Variants in ADGRA3 observed in about 807,000 individuals in gnomAD.
ADGRA3 encodes the protein adhesion G protein-coupled receptor A3.
ADGRA3 carries 56 observed loss-of-function variants against 119.8 expected under a neutral mutation model. The observed-to-expected ratio is 0.47, with a 90% CI of 0.38 to 0.58. The LOEUF is 0.58. Ranked by LOEUF, ADGRA3 falls within the 20% of genes least tolerant of loss-of-function variation. The pLI is 0.00. For synonymous variants in ADGRA3, 607 were observed against 623.8 expected, an observed-to-expected ratio of 0.97 and a Z score of 0.40; for missense variants, 1,516 against 1,649.0, an observed-to-expected ratio of 0.92 and a Z score of 1.40.
At chr4:22,484,754 G>A (rs1259543673) in intron 1 of ADGRA3, among the ~76,000 whole-genome samples, 3 of 152,094 alleles carry the variant, frequency 2.0e-5, no homozygotes, top group Non-Finnish European at 2.9e-5. Context: ...ATATGTACAC[G>A]TTTAGAGAAA....
chr4:22,493,784 T>C (rs755527580), intron 1 of ADGRA3, among the ~76,000 whole-genome samples: 15 of 152,122 alleles, frequency 9.9e-5, no homozygotes, highest in African/African-American at 1.7e-4. Flanking sequence ...CCCAAACAGT[T>C]AGGCATTCTA....
chr4:22,486,085 C>T (rs957788172), intron 1 of ADGRA3, among the ~76,000 whole-genome samples: 2 of 152,224 alleles, frequency 1.3e-5, no homozygotes, highest in Non-Finnish European at 1.5e-5. Context: ...TGTGGAGTTT[C>T]GCCATCAATC....
At chr4:22,487,432 C>T (rs1718468883) in intron 1 of ADGRA3, among the ~76,000 whole-genome samples, 1 of 152,114 alleles carries the variant, frequency 6.6e-6, no homozygotes, top group Non-Finnish European at 1.5e-5. Context: ...GAATTCTTAA[C>T]GCTCAGCTGA....
intron 2 of ADGRA3, among the ~76,000 whole-genome samples, chr4:22,471,441 T>C (rs1464416385): frequency 6.6e-6 from 1 of 152,086 alleles, no homozygotes; most frequent in Non-Finnish European, 1.5e-5. Flanking sequence ...TAAAATAAAA[T>C]AAAAGAAGTA....
At chr4:22,418,138 T>C (rs1052622886) in intron 12 of ADGRA3, among the ~76,000 whole-genome samples, 1 of 152,142 alleles carries the variant, frequency 6.6e-6, no homozygotes, top group Non-Finnish European at 1.5e-5. Context: ...AAACATTTCA[T>C]TGAGAAAAAA....
At chr4:22,452,438 A>G (rs1717081253) in intron 4 of ADGRA3, among the ~76,000 whole-genome samples, 1 of 152,212 alleles carries the variant, frequency 6.6e-6, no homozygotes, top group African/African-American at 2.4e-5. Context: ...ACTATAATCT[A>G]TTATTACATG....
intron 1 of ADGRA3, among the ~76,000 whole-genome samples, chr4:22,490,555 G>A (rs1358825213): frequency 6.6e-6 from 1 of 152,042 alleles, no homozygotes; most frequent in African/African-American, 2.4e-5. Flanking sequence ...GGGAGTGAGA[G>A]CAGAAATACA....
chr4:22,446,805 A>G (rs938963101), intron 5 of ADGRA3, among the ~76,000 whole-genome samples: 3 of 152,212 alleles, frequency 2.0e-5, no homozygotes, highest in African/African-American at 7.2e-5. Flanking sequence ...TGTAATTCCA[A>G]TAAGCTTAGG....
intron 3 of ADGRA3, 132 bp from the exon 4 acceptor site, chr4:22,455,069 G>C (rs572316127): frequency 1.2e-5 from 8 of 653,300 alleles, no homozygotes; most frequent in Non-Finnish European, 1.9e-5. Context: ...GATATTTACT[G>C]TACGCAAATG....
At chr4:22,455,904 A>G (rs1378061854) in intron 3 of ADGRA3, 1 of 935,232 alleles carries the variant, frequency 1.1e-6, no homozygotes, top group Admixed American at 2.5e-5. Context: ...ATTAGTTGCT[A>G]GACTTGGAAT....
intron 5 of ADGRA3, 22 bp from the exon 6 acceptor site, chr4:22,445,155 T>C: frequency 6.2e-7 from 1 of 1,607,898 alleles, no homozygotes. Context: ...AAATACAACT[T>C]AGAGATTATA....
At chr4:22,405,881 ACT>A (rs1248998169) in intron 14 of ADGRA3, among the ~76,000 whole-genome samples, 3 of 152,106 alleles carry the variant, frequency 2.0e-5, no homozygotes, top group African/African-American at 7.2e-5. Context: ...AACTATAGTC[ACT>A]CTGCCATGCT....
At chr4:22,415,598 T>A (rs1381533599) in intron 12 of ADGRA3, among the ~76,000 whole-genome samples, 3 of 152,126 alleles carry the variant, frequency 2.0e-5, no homozygotes, top group African/African-American at 7.2e-5. Flanking sequence ...AAGTATTACA[T>A]AATGCACATT....
chr4:22,467,941 C>A (rs1717719038), intron 2 of ADGRA3, among the ~76,000 whole-genome samples: 1 of 152,192 alleles, frequency 6.6e-6, no homozygotes, highest in Non-Finnish European at 1.5e-5. Context: ...TAGGAAAGAA[C>A]ATGAAGTATA....
At chr4:22,466,348 TC>T (rs1240853463) in intron 2 of ADGRA3, among the ~76,000 whole-genome samples, 1 of 152,160 alleles carries the variant, frequency 6.6e-6, no homozygotes, top group Non-Finnish European at 1.5e-5. Flanking sequence ...CGCATCTCAA[TC>T]TCCAACTCAC....
chr4:22,508,149 G>A (rs530039246), intron 1 of ADGRA3, among the ~76,000 whole-genome samples: 2 of 152,312 alleles, frequency 1.3e-5, no homozygotes, highest in African/African-American at 4.8e-5. Flanking sequence ...TCTGAGAGAA[G>A]CACCAGTATC....
intron 1 of ADGRA3, among the ~76,000 whole-genome samples, chr4:22,484,177 A>G (rs1226459320): frequency 6.6e-6 from 1 of 152,244 alleles, no homozygotes. Context: ...GCATATATAA[A>G]AAGAAAAAAT....
intron 14 of ADGRA3, among the ~76,000 whole-genome samples, chr4:22,405,501 GC>G (rs1474355058): frequency 6.6e-6 from 1 of 150,938 alleles, no homozygotes; most frequent in Non-Finnish European, 1.5e-5. Flanking sequence ...AGCTGAGATT[GC>G]GCCACTGCAC....
chr4:22,515,686 G>C lies in ADGRA3; in HGVS notation c.99C>G (p.Gly33=), dbSNP rs1719638242. Residue 33 remains glycine, a synonymous_variant, in exon 1 of 19, where the codon GGC becomes GGG. Coordinates refer to ENST00000334304, the MANE Select transcript of ADGRA3 (RefSeq NM_145290.4). ...CGGCGGGCAGCGCCGCGGCGCCGCC[G>C]CCGCCGCCGCCTCCCAGCAGCGCGA... is the stretch of plus-strand genomic sequence containing the variant. The part of the protein sequence containing the change: ...ALLALLGGGG[G]GGAAALPAGC... The C allele has an allele frequency of 9.1e-7, 1 of 1,103,800 alleles. No individual in the cohort carries two copies. The highest frequency in any genetic ancestry group is 1.1e-6 in the Non-Finnish European group (1 of 909,634). The allele number at this position is 1,103,800 out of a possible 1,614,324, so 68.4% of individuals were successfully genotyped here.
Sources: gnomAD v4.1 joint callset for allele counts (sites outside exome capture counted in the v4.1 genomes callset) on GRCh38, gnomAD v4.1.1 for gene constraint, MANE v1.5 for transcripts, NCBI Gene and HGNC (gene_info 2026-07-23, HGNC 2026-07-21) for gene names.